The following NMNAT2 variants were observed in gnomAD, a reference collection of about 807,000 sequenced individuals.
The protein encoded by NMNAT2 is nicotinamide/nicotinic acid mononucleotide adenylyltransferase 2.
Under a neutral mutation model 41.6 loss-of-function variants are expected in NMNAT2, and 11 were observed. The observed-to-expected ratio is 0.26, with a 90% CI of 0.17 to 0.44. The LOEUF is 0.44. Among genes scored for constraint, NMNAT2 ranks in the 20% least tolerant of loss-of-function variants. The pLI is 1.00. For missense variants in NMNAT2, 288 were observed against 407.7 expected, an observed-to-expected ratio of 0.71 and a Z score of 2.53; for synonymous variants, 148 against 151.2, an observed-to-expected ratio of 0.98 and a Z score of 0.16.
rs35308886 is a variant in NMNAT2, at chr1:183,307,307, C to CT, written c.86-13515dup. ...TTTAAGTGAAACCAAACAAAGGGTT[C>CT]TTTTTTTTTTTTTTTTGAGATGGAG... On this transcript the variant is annotated intron_variant, in intron 1 of 10. Transcript: ENST00000287713. Among the ~76,000 whole-genome samples the CT allele has an allele frequency of 5.3e-3, 730 of 138,334 alleles. 5 individuals are homozygous for CT. The highest frequency in any genetic ancestry group is 0.015 in the African/African-American group (542 of 37,176). 90.8% of individuals were successfully genotyped at this position (138,334 alleles called of 152,430 possible). A position where few individuals can be genotyped will look rare whatever the true frequency, so the allele number is the denominator to read the frequency against.
At chr1:183,359,203 G>A (rs1317800937) in intron 1 of NMNAT2, among the ~76,000 whole-genome samples, 1 of 152,054 alleles carries the variant, frequency 6.6e-6, no homozygotes, top group Non-Finnish European at 1.5e-5. Context: ...TGGAAATGGA[G>A]GCTAGGGCAT....
intron 1 of NMNAT2, among the ~76,000 whole-genome samples, chr1:183,322,156 C>G (rs1344762092): frequency 6.6e-6 from 1 of 152,126 alleles, no homozygotes; most frequent in Non-Finnish European, 1.5e-5. Flanking sequence ...TTTAATAACC[C>G]TCACATTAAA....
chr1:183,397,945 ACT>A (rs1195977835), intron 1 of NMNAT2, among the ~76,000 whole-genome samples: 1 of 152,236 alleles, frequency 6.6e-6, no homozygotes, highest in Non-Finnish European at 1.5e-5. Flanking sequence ...GATACCAGCC[ACT>A]GCAAAAATAT....
At chr1:183,385,311 A>G (rs544996373) in intron 1 of NMNAT2, among the ~76,000 whole-genome samples, 2 of 152,350 alleles carry the variant, frequency 1.3e-5, no homozygotes, top group South Asian at 4.1e-4. Context: ...CTATTTGACA[A>G]TGGCTGAAGT....
intron 1 of NMNAT2, among the ~76,000 whole-genome samples, chr1:183,328,830 C>T (rs1220018339): frequency 6.6e-6 from 1 of 152,206 alleles, no homozygotes; most frequent in African/African-American, 2.4e-5. Flanking sequence ...CCCATTCCAA[C>T]ATCAGTTGAT....
chr1:183,304,762 C>CACTACTT, intron 1 of NMNAT2: 2 of 1,613,704 alleles, frequency 1.2e-6, no homozygotes, highest in Non-Finnish European at 1.7e-6. Context: ...TTTTTGCAGC[C>CACTACTT]ACTACTTGCA....
chr1:183,274,003 C>T (rs1661061381), intron 8 of NMNAT2, among the ~76,000 whole-genome samples: 1 of 151,872 alleles, frequency 6.6e-6, no homozygotes, highest in South Asian at 2.1e-4. Flanking sequence ...ACCTCTATCT[C>T]CTGGGTTCAT....
intron 1 of NMNAT2, among the ~76,000 whole-genome samples, chr1:183,373,713 G>A (rs1048863476): frequency 1.3e-5 from 2 of 151,708 alleles, no homozygotes; most frequent in Non-Finnish European, 2.9e-5. Context: ...CGCCTCCTGG[G>A]TTCAAGTGAT....
intron 7 of NMNAT2, among the ~76,000 whole-genome samples, chr1:183,280,775 A>ATT (rs138238837): frequency 6.6e-5 from 4 of 60,978 alleles, no homozygotes; most frequent in African/African-American, 2.9e-4. Context: ...GTGTTAGTGT[A>ATT]TTTTTTTTTT....
chr1:183,257,409 C>G (rs1020664661), intron 10 of NMNAT2, among the ~76,000 whole-genome samples: 1 of 152,068 alleles, frequency 6.6e-6, no homozygotes, highest in African/African-American at 2.4e-5. Context: ...CTATTGCACT[C>G]CAGCCTGGGC....
chr1:183,252,764 A>G lies in NMNAT2; in HGVS notation c.822-21T>C, dbSNP rs200568510. The stretch of plus-strand genomic sequence containing the variant: ...CCAGCCTGCACAAGAAGAGATGACA[A>G]TCAGATGGACATCCACACCCAAAGC... On this transcript the variant is annotated intron_variant, in intron 10 of 10. Coordinates refer to ENST00000287713, the MANE Select transcript of NMNAT2 (RefSeq NM_015039.4). 151 of 1,578,174 alleles carry G rather than the reference A, an allele frequency of 9.6e-5. No individual in the cohort carries two copies. The East Asian group carries it at 3.3e-3, about 34-fold the overall frequency.
At chr1:183,412,113 A>C (rs1649132926) in intron 1 of NMNAT2, among the ~76,000 whole-genome samples, 2 of 152,366 alleles carry the variant, frequency 1.3e-5, no homozygotes, top group South Asian at 4.1e-4. Context: ...GGCCATGATG[A>C]TGACTTTGAC....
At position 183,389,736 on chromosome 1, in the gene NMNAT2, A is replaced by AAAAGAAAGAAAG. The variant is rs1186159050; in HGVS notation, c.85+28435_85+28446dup. Among the ~76,000 whole-genome samples the AAAAGAAAGAAAG allele has an allele frequency of 9.2e-5, 7 of 76,464 alleles. 1 individual carries two copies. The highest frequency in any genetic ancestry group is 1.8e-4 in the Non-Finnish European group (7 of 38,590). The allele number at this position is 76,464 out of a possible 152,430, so 50.2% of individuals were successfully genotyped here. Reference sequence around the variant, plus strand: ...GGGCAACAGAGCAAGACCCTGTCAAAAAAGAAAGAAAGAAAGAAAGAAAGA... The same window carrying AAAAGAAAGAAAG: ...GGGCAACAGAGCAAGACCCTGTCAAAAAAGAAAGAAAGAAAGAAAGAAAGAAAGAAAGAAAGA... On this transcript the variant is annotated intron_variant, in intron 1 of 10. Coordinates refer to ENST00000287713, the MANE Select transcript of NMNAT2 (RefSeq NM_015039.4).
intron 1 of NMNAT2, among the ~76,000 whole-genome samples, chr1:183,371,932 A>G (rs1033022080): frequency 5.3e-5 from 8 of 152,090 alleles, no homozygotes; most frequent in Non-Finnish European, 1.0e-4. Flanking sequence ...GGCGTGCACC[A>G]CCACAGCCAG....
In NMNAT2 at chr1:183,249,338, T is replaced by G. The variant is rs1660312242; in HGVS notation, c.*3303A>C. Reference sequence around the variant, plus strand: ...AGGACAGAGTTATTGACAAAAAGGGTTTTCCTTCTGCCTGTTCTTACATCA... The same window carrying G: ...AGGACAGAGTTATTGACAAAAAGGGGTTTCCTTCTGCCTGTTCTTACATCA... On this transcript the variant is annotated 3_prime_UTR_variant, in exon 11 of 11. Transcript: ENST00000287713. 1 of 151,980 alleles carries G rather than the reference T, an allele frequency of 6.6e-6. No individual in the cohort carries two copies. The highest frequency in any genetic ancestry group is 1.5e-5 in the Non-Finnish European group (1 of 67,978). 9.4% of individuals were successfully genotyped at this position (151,980 alleles called of 1,614,324 possible). A position where few individuals can be genotyped will look rare whatever the true frequency, so the allele number is the denominator to read the frequency against.
chr1:183,261,012 T>C lies in NMNAT2; in HGVS notation c.811A>G (p.Thr271Ala). The C allele has an allele frequency of 2.5e-6, 4 of 1,613,530 alleles. No homozygotes were observed. The highest frequency in any genetic ancestry group is 2.2e-5 in the East Asian group (1 of 44,864). Residue 271 changes from threonine to alanine, a missense_variant, in exon 10 of 11, where the codon ACC becomes GCC. By Grantham distance (58) the Thr-to-Ala change is moderately conservative. Transcript: ENST00000287713. ...ATTTGTCAAACATACCTGCTCTTGG[T>C]TGAGCTGACAACAGACATGGGATGG... ...INHPMSVVSS[T>A]KSRLALQHGD... is the part of the protein sequence containing the mutation.
At chr1:183,300,067 C>G (rs890668980) in intron 1 of NMNAT2, among the ~76,000 whole-genome samples, 1 of 152,076 alleles carries the variant, frequency 6.6e-6, no homozygotes, top group East Asian at 1.9e-4. Flanking sequence ...ATAAAGAGGC[C>G]TGGGGAGCCC....
At chr1:183,313,706 G>A (rs1348478435) in intron 1 of NMNAT2, among the ~76,000 whole-genome samples, 1 of 152,132 alleles carries the variant, frequency 6.6e-6, no homozygotes, top group African/African-American at 2.4e-5. Flanking sequence ...GGCTGGTCTC[G>A]AACTCTTGGC....
intron 1 of NMNAT2, among the ~76,000 whole-genome samples, chr1:183,308,746 A>C (rs1571589335): frequency 6.6e-6 from 1 of 152,328 alleles, no homozygotes; most frequent in East Asian, 1.9e-4. Flanking sequence ...TAGTGATAAT[A>C]AGAGTGGTGA....
Sources: gnomAD v4.1 joint callset for allele counts (sites outside exome capture counted in the v4.1 genomes callset) on GRCh38, gnomAD v4.1.1 for gene constraint, MANE v1.5 for transcripts, NCBI Gene and HGNC (gene_info 2026-07-23, HGNC 2026-07-21) for gene names.